Variants in PPARGC1A observed in about 807,000 individuals in gnomAD.
PPARGC1A encodes the protein peroxisome proliferator-activated receptor gamma coactivator 1-alpha.
A neutral mutation model predicts 88.7 loss-of-function variants in PPARGC1A; 25 were observed. The observed-to-expected ratio is 0.28, with a 90% CI of 0.21 to 0.39. The LOEUF is 0.39. PPARGC1A is among the 10% of genes least tolerant of loss of function. The probability of loss-of-function intolerance (pLI) is 1.00; values close to 1 mark genes in which losing one functional copy is unlikely to be tolerated. For synonymous variants in PPARGC1A, 363 were observed against 355.6 expected, an observed-to-expected ratio of 1.02 and a Z score of -0.24; for missense variants, 880 against 968.7, an observed-to-expected ratio of 0.91 and a Z score of 1.22.
chr4:24,350,730 G>T, the PPARGC1A span, among the ~76,000 whole-genome samples: 3 of 152,158 alleles, frequency 2.0e-5, no homozygotes, highest in Non-Finnish European at 2.9e-5. Context: ...CTATAACATG[G>T]TCTCTCATTC....
At chr4:24,116,923 C>G in the PPARGC1A span, among the ~76,000 whole-genome samples, 1 of 152,114 alleles carries the variant, frequency 6.6e-6, no homozygotes, top group Non-Finnish European at 1.5e-5. Context: ...GGAGTCCACT[C>G]TCATAACTGT....
At chr4:23,810,556 T>C (rs1263141387) in intron 10 of PPARGC1A, among the ~76,000 whole-genome samples, 1 of 152,178 alleles carries the variant, frequency 6.6e-6, no homozygotes, top group Non-Finnish European at 1.5e-5. Context: ...CTCCCTTCCT[T>C]TCTTTATTAA....
the PPARGC1A span, among the ~76,000 whole-genome samples, chr4:23,914,445 G>A: frequency 6.6e-6 from 1 of 152,158 alleles, no homozygotes; most frequent in Non-Finnish European, 1.5e-5. Flanking sequence ...GAAACAGACA[G>A]ATCCACAATC....
At chr4:24,178,805 T>C in the PPARGC1A span, among the ~76,000 whole-genome samples, 1 of 152,212 alleles carries the variant, frequency 6.6e-6, no homozygotes, top group Non-Finnish European at 1.5e-5. Flanking sequence ...TGTTAGACAA[T>C]AAAAATAATT....
chr4:24,052,544 G>A, the PPARGC1A span, among the ~76,000 whole-genome samples: 3 of 151,872 alleles, frequency 2.0e-5, no homozygotes, highest in African/African-American at 7.3e-5. Context: ...GGCTGAGACA[G>A]GAGAATCACT....
At chr4:24,186,673 C>T in the PPARGC1A span, among the ~76,000 whole-genome samples, 1 of 152,116 alleles carries the variant, frequency 6.6e-6, no homozygotes, top group Admixed American at 6.6e-5. Context: ...CTCCAAAGAT[C>T]GGTTTTTGAG....
chr4:24,141,602 C>G, the PPARGC1A span, among the ~76,000 whole-genome samples: 4 of 152,320 alleles, frequency 2.6e-5, no homozygotes, highest in South Asian at 2.1e-4. Flanking sequence ...ATGCTTCCCC[C>G]CTTCCAATGC....
the PPARGC1A span, among the ~76,000 whole-genome samples, chr4:24,032,994 T>A: frequency 6.6e-6 from 1 of 152,220 alleles, no homozygotes; most frequent in Non-Finnish European, 1.5e-5. Context: ...GAGCACTGGC[T>A]TTTAAGGGAT....
the PPARGC1A span, among the ~76,000 whole-genome samples, chr4:24,397,293 A>G: frequency 6.6e-6 from 1 of 152,176 alleles, no homozygotes; most frequent in Non-Finnish European, 1.5e-5. Context: ...TCCTGAAAAC[A>G]ATGTAGAAGA....
At chr4:24,279,806 C>A in the PPARGC1A span, among the ~76,000 whole-genome samples, 4 of 152,152 alleles carry the variant, frequency 2.6e-5, no homozygotes, top group Non-Finnish European at 5.9e-5. Flanking sequence ...ATCAAAATGG[C>A]ACATTGATAG....
At chr4:24,325,330 G>A in the PPARGC1A span, among the ~76,000 whole-genome samples, 5 of 152,052 alleles carry the variant, frequency 3.3e-5, no homozygotes, top group East Asian at 1.9e-4. Flanking sequence ...AATTAACCTC[G>A]CCTTCAAGGT....
chr4:23,848,868 G>A (rs893974458), intron 2 of PPARGC1A, among the ~76,000 whole-genome samples: 1 of 97,866 alleles, frequency 1.0e-5, no homozygotes, highest in East Asian at 3.7e-4. Flanking sequence ...TACTATCAAC[G>A]TAAAAATGGA....
chr4:24,146,471 C>G, the PPARGC1A span, among the ~76,000 whole-genome samples: 2 of 152,194 alleles, frequency 1.3e-5, no homozygotes, highest in African/African-American at 2.4e-5. Flanking sequence ...CAATGTGAAC[C>G]AGAAATCTCA....
chr4:24,249,551 C>A, the PPARGC1A span, among the ~76,000 whole-genome samples: 35 of 152,294 alleles, frequency 2.3e-4, no homozygotes, highest in East Asian at 6.6e-3. Context: ...AGACAGAATT[C>A]TCTGTTTACA....
chr4:23,961,512 G>A, the PPARGC1A span, among the ~76,000 whole-genome samples: 1 of 152,126 alleles, frequency 6.6e-6, no homozygotes. Context: ...CAACATGTGT[G>A]GGTAATTTCA....
At chr4:24,399,446 A>G in the PPARGC1A span, among the ~76,000 whole-genome samples, 158 of 152,338 alleles carry the variant, frequency 1.0e-3, no homozygotes, top group Non-Finnish European at 1.8e-3. Flanking sequence ...AATTTCTCTG[A>G]CAGGTTGCTT....
chr4:23,897,772 T>A (rs1039695510), intron 1 of PPARGC1A, among the ~76,000 whole-genome samples: 2 of 152,246 alleles, frequency 1.3e-5, no homozygotes, highest in African/African-American at 4.8e-5. Context: ...ACCACAGGTA[T>A]TGGCTCTGAG....
the PPARGC1A span, among the ~76,000 whole-genome samples, chr4:24,113,533 C>T: frequency 1.3e-5 from 2 of 152,134 alleles, no homozygotes; most frequent in Non-Finnish European, 2.9e-5. Context: ...GAGTAGGGAT[C>T]CCTCTTCATG....
the PPARGC1A span, among the ~76,000 whole-genome samples, chr4:24,164,083 A>G: frequency 6.6e-6 from 1 of 152,226 alleles, no homozygotes; most frequent in Non-Finnish European, 1.5e-5. Flanking sequence ...ATTGTGTCCC[A>G]TAATAAAAAT....
Sources: allele counts gnomAD v4.1 joint callset (sites outside exome capture counted in the v4.1 genomes callset), GRCh38; gene constraint gnomAD v4.1.1; transcripts MANE v1.5; gene names NCBI Gene and HGNC (gene_info 2026-07-23, HGNC 2026-07-21).